SLC6A6: variants seen among roughly 807,000 people sequenced by gnomAD.
The protein encoded by SLC6A6 is sodium- and chloride-dependent taurine transporter.
A neutral mutation model predicts 68.8 loss-of-function variants in SLC6A6; 16 were observed. That is an observed-to-expected ratio of 0.23 (90% CI 0.16 to 0.35). SLC6A6 has a LOEUF of 0.35. Ranked by LOEUF, SLC6A6 falls within the 10% of genes least tolerant of loss-of-function variation. The pLI is 1.00. For missense variants in SLC6A6, 474 were observed against 802.8 expected (o/e 0.59, Z 4.95); for synonymous variants, 312 against 315.4 (o/e 0.99, Z 0.12).
intron 10 of SLC6A6, among the ~76,000 whole-genome samples, chr3:14,473,940 A>ATTAGATT (rs1700812387): frequency 6.6e-6 from 1 of 152,216 alleles, no homozygotes; most frequent in Admixed American, 6.5e-5. Context: ...GTGGTCACTC[A>ATTAGATT]TTAGATTTTC....
At chr3:14,476,176 C>T (rs1191576044) in intron 10 of SLC6A6, among the ~76,000 whole-genome samples, 1 of 152,198 alleles carries the variant, frequency 6.6e-6, no homozygotes, top group Non-Finnish European at 1.5e-5. Context: ...TAAAGTGCTG[C>T]TGTGTGCTCT....
At chr3:14,440,434 T>A (rs1699956293) in intron 2 of SLC6A6, among the ~76,000 whole-genome samples, 1 of 151,760 alleles carries the variant, frequency 6.6e-6, no homozygotes, top group Non-Finnish European at 1.5e-5. Flanking sequence ...GTGGCCCGTG[T>A]CCCAAGGAGA....
intron 6 of SLC6A6, among the ~76,000 whole-genome samples, chr3:14,460,567 A>T (rs1348542892): frequency 6.6e-6 from 1 of 152,174 alleles, no homozygotes; most frequent in Non-Finnish European, 1.5e-5. Flanking sequence ...ACCCAGTCTG[A>T]TGGAGGAGGC....
At chr3:14,428,237 G>A (rs1699645779) in intron 2 of SLC6A6, among the ~76,000 whole-genome samples, 1 of 152,186 alleles carries the variant, frequency 6.6e-6, no homozygotes, top group Non-Finnish European at 1.5e-5. Flanking sequence ...AGGAGGCCCA[G>A]CTGTTAGGGT....
chr3:14,403,127 A>G (rs931531253), intron 1 of SLC6A6, among the ~76,000 whole-genome samples: 2 of 143,820 alleles, frequency 1.4e-5, no homozygotes, highest in Non-Finnish European at 3.0e-5. Flanking sequence ...TGTGTGTGGC[A>G]TATCTGTGTG....
chr3:14,429,737 C>T (rs1201741934), intron 2 of SLC6A6, among the ~76,000 whole-genome samples: 2 of 152,190 alleles, frequency 1.3e-5, no homozygotes, highest in African/African-American at 4.8e-5. Flanking sequence ...CATTTTTAGC[C>T]AGTGTCTCAG....
chr3:14,443,205 C>T (rs1700032417), intron 2 of SLC6A6, among the ~76,000 whole-genome samples: 1 of 152,154 alleles, frequency 6.6e-6, no homozygotes, highest in African/African-American at 2.4e-5. Context: ...AAAATAGTAT[C>T]TGTTAATTTC....
At chr3:14,459,585 G>A (rs189708020) in intron 6 of SLC6A6, among the ~76,000 whole-genome samples, 5 of 152,102 alleles carry the variant, frequency 3.3e-5, no homozygotes, top group South Asian at 2.1e-4. Context: ...CAGTGAGCAC[G>A]GTCCTGCCCG....
chr3:14,478,409 T>A (rs1178228925), intron 11 of SLC6A6, 57 bp from the exon 12 acceptor site: 5 of 1,019,780 alleles, frequency 4.9e-6, no homozygotes, highest in African/African-American at 1.6e-5. Context: ...TCTTTGTATA[T>A]GAAAGAAATT....
chr3:14,454,711 G>A (rs1700331646), intron 5 of SLC6A6, among the ~76,000 whole-genome samples: 1 of 152,186 alleles, frequency 6.6e-6, no homozygotes, highest in Non-Finnish European at 1.5e-5. Flanking sequence ...GGTGATATGT[G>A]CACATTAAAA....
chr3:14,409,302 G>GT (rs1415919559), intron 1 of SLC6A6, among the ~76,000 whole-genome samples: 1 of 152,236 alleles, frequency 6.6e-6, no homozygotes, highest in Admixed American at 6.5e-5. Flanking sequence ...TGCCAGCTCA[G>GT]TAAATGAAAT....
intron 2 of SLC6A6, among the ~76,000 whole-genome samples, chr3:14,441,584 G>A (rs1699989425): frequency 6.6e-6 from 1 of 152,214 alleles, no homozygotes; most frequent in Non-Finnish European, 1.5e-5. Context: ...CCCGAGCCAG[G>A]GAGAGGAAGG....
intron 1 of SLC6A6, among the ~76,000 whole-genome samples, chr3:14,412,292 T>C (rs1431561045): frequency 6.6e-6 from 1 of 152,192 alleles, no homozygotes; most frequent in Non-Finnish European, 1.5e-5. Context: ...AGCAACAGGC[T>C]TTTAGTAAAG....
intron 10 of SLC6A6, among the ~76,000 whole-genome samples, chr3:14,476,266 G>T (rs1700876383): frequency 6.6e-6 from 1 of 152,194 alleles, no homozygotes; most frequent in Non-Finnish European, 1.5e-5. Context: ...AGCTGAGTCT[G>T]GAGACCATCA....
At position 14,481,961 on chromosome 3, in the gene SLC6A6, C is replaced by A; in HGVS notation, c.1722+120C>A. 1.3e-6 allele frequency: 1 copy of A among 775,838 alleles called. No homozygotes were observed. The highest frequency in any genetic ancestry group is 2.1e-6 in the Non-Finnish European group (1 of 477,386). The allele number at this position is 775,838 out of a possible 1,614,324, so 48.1% of individuals were successfully genotyped here. A position where few individuals can be genotyped will look rare whatever the true frequency, so the allele number is the denominator to read the frequency against. On this transcript the variant is annotated intron_variant, in intron 14 of 14. Coordinates refer to ENST00000622186, the MANE Select transcript of SLC6A6 (RefSeq NM_003043.6). This position sits in a 1 kb window ranked among gnomAD's most constrained non-coding sequence, Gnocchi z 4.7. ...CCCTCTCTGAGCCATAGTTCCCTCACCCATCCAGTGGTTCAGCTTATGGGC... is the reference window on the plus strand; with the variant it reads ...CCCTCTCTGAGCCATAGTTCCCTCAACCATCCAGTGGTTCAGCTTATGGGC...
Position 14,486,901 on chromosome 3 carries a change from ACT to A in SLC6A6, c.*1898_*1899del, listed in dbSNP as rs1204821960. On this transcript the variant is annotated 3_prime_UTR_variant, in exon 15 of 15. Transcript: ENST00000622186. ...CAAACAACACCCAGTCCTATTCCAA[ACT>A]CTCAACGATTCTATCTTGTTCCTGT... is the stretch of plus-strand genomic sequence containing the variant. The A allele has an allele frequency of 3.3e-5, 5 of 151,744 alleles. No homozygotes were observed. The highest frequency in any genetic ancestry group is 9.7e-5 in the African/African-American group (4 of 41,252). The allele number at this position is 151,744 out of a possible 1,614,324, so 9.4% of individuals were successfully genotyped here. A position where few individuals can be genotyped will look rare whatever the true frequency, so the allele number is the denominator to read the frequency against.
At chr3:14,436,531 C>CTTTTTTTTTTTTTTTTTTTTTT (rs58996264) in intron 2 of SLC6A6, among the ~76,000 whole-genome samples, 1 of 112,582 alleles carries the variant, frequency 8.9e-6, no homozygotes, top group Non-Finnish European at 1.8e-5. Flanking sequence ...CAACAACTCC[C>CTTTTTTTTTTTTTTTTTTTTTT]TTTTTTTTTT....
intron 5 of SLC6A6, among the ~76,000 whole-genome samples, chr3:14,454,870 G>A (rs541239084): frequency 6.6e-6 from 1 of 152,018 alleles, no homozygotes; most frequent in Non-Finnish European, 1.5e-5. Context: ...CTCTTTACAC[G>A]GTAGGGAGCA....
chr3:14,437,335 G>T (rs188829100), intron 2 of SLC6A6, among the ~76,000 whole-genome samples: 4 of 151,954 alleles, frequency 2.6e-5, no homozygotes, highest in Admixed American at 2.6e-4. Context: ...ATGGCTCACT[G>T]CAGCCTTGAC....
Sources: gnomAD v4.1 joint callset for allele counts (sites outside exome capture counted in the v4.1 genomes callset) on GRCh38, gnomAD v4.1.1 for gene constraint, Gnocchi (gnomAD v3.1) non-coding constraint, MANE v1.5 for transcripts, NCBI Gene and HGNC (gene_info 2026-07-23, HGNC 2026-07-21) for gene names.